Variants in CCSER1 observed in about 807,000 individuals in gnomAD.
CCSER1 encodes serine-rich coiled-coil domain-containing protein 1.
In CCSER1, 41 loss-of-function variants were observed where a neutral mutation model predicts 82.0. The ratio of observed to expected loss-of-function variants is 0.50; its 90% CI spans 0.39 to 0.65. The LOEUF (loss-of-function observed/expected upper bound fraction) is 0.65. CCSER1 is among the 30% of genes least tolerant of loss of function. The pLI is 0.00. For missense variants in CCSER1, 1,119 were observed against 1,064.2 expected, an observed-to-expected ratio of 1.05 and a Z score of -0.72; for synonymous variants, 414 against 383.9, an observed-to-expected ratio of 1.08 and a Z score of -0.92.
intron 10 of CCSER1, among the ~76,000 whole-genome samples, chr4:91,522,004 A>T (rs1386579436): frequency 2.0e-5 from 3 of 152,104 alleles, no homozygotes; most frequent in East Asian, 3.9e-4. Context: ...TAGGGTTTTT[A>T]TGGTTTTAGG....
At chr4:90,209,045 C>T (rs1333652179) in intron 1 of CCSER1, among the ~76,000 whole-genome samples, 2 of 152,002 alleles carry the variant, frequency 1.3e-5, no homozygotes, top group Admixed American at 1.3e-4. Flanking sequence ...AAAATATTTG[C>T]CTGAGATAAT....
At chr4:90,591,691 C>T (rs1168669101) in intron 5 of CCSER1, among the ~76,000 whole-genome samples, 2 of 152,102 alleles carry the variant, frequency 1.3e-5, no homozygotes, top group East Asian at 3.9e-4. Flanking sequence ...TGGGTATACA[C>T]CCAAAGGGTT....
chr4:91,445,888 G>A (rs550283826), intron 10 of CCSER1, among the ~76,000 whole-genome samples: 5 of 152,036 alleles, frequency 3.3e-5, no homozygotes, highest in African/African-American at 1.2e-4. Context: ...TATCTGGTCT[G>A]TGTAAATTCT....
intron 7 of CCSER1, among the ~76,000 whole-genome samples, chr4:90,762,178 C>T (rs1278331348): frequency 6.6e-6 from 1 of 152,088 alleles, no homozygotes; most frequent in African/African-American, 2.4e-5. Context: ...GGGTGGTTAC[C>T]TCCATGCTGT....
At chr4:90,877,722 A>G (rs528001983) in intron 8 of CCSER1, among the ~76,000 whole-genome samples, 8 of 152,182 alleles carry the variant, frequency 5.3e-5, no homozygotes, top group Admixed American at 2.0e-4. Context: ...AAAGAAAAAA[A>G]AAAACAGAAG....
chr4:91,072,055 A>G (rs1460703976), intron 9 of CCSER1, among the ~76,000 whole-genome samples: 1 of 152,170 alleles, frequency 6.6e-6, no homozygotes, highest in Non-Finnish European at 1.5e-5. Context: ...CAGACATGCT[A>G]TAAGTAATCT....
intron 6 of CCSER1, among the ~76,000 whole-genome samples, chr4:90,687,977 T>C (rs1310908296): frequency 6.6e-6 from 1 of 152,128 alleles, no homozygotes; most frequent in Non-Finnish European, 1.5e-5. Flanking sequence ...GTGTCTTTGT[T>C]GAGCCTGAGT....
At chr4:91,383,715 C>T (rs1191037363) in intron 10 of CCSER1, among the ~76,000 whole-genome samples, 1 of 152,106 alleles carries the variant, frequency 6.6e-6, no homozygotes, top group Non-Finnish European at 1.5e-5. Context: ...CCCCATTACA[C>T]TTTATTTGTT....
intron 8 of CCSER1, among the ~76,000 whole-genome samples, chr4:90,822,692 C>T (rs1759909673): frequency 7.2e-6 from 1 of 139,708 alleles, no homozygotes. Flanking sequence ...CGTGCCATTG[C>T]ACTCCAGCCT....
At chr4:90,475,113 T>A (rs1041864249) in intron 5 of CCSER1, among the ~76,000 whole-genome samples, 3 of 152,192 alleles carry the variant, frequency 2.0e-5, no homozygotes, top group Admixed American at 6.5e-5. Flanking sequence ...TGTCATTGAT[T>A]TTCACTGAAA....
chr4:90,238,425 A>C (rs1237510746), intron 1 of CCSER1, among the ~76,000 whole-genome samples: 1 of 152,210 alleles, frequency 6.6e-6, no homozygotes, highest in South Asian at 2.1e-4. Flanking sequence ...GCATTGTACA[A>C]ATGGTATTGA....
intron 5 of CCSER1, among the ~76,000 whole-genome samples, chr4:90,551,704 CTCTATATA>C (rs1033890316): frequency 5.6e-5 from 6 of 107,538 alleles, no homozygotes; most frequent in African/African-American, 1.8e-4. Context: ...CTCTCTCTCT[CTCTATATA>C]TATATATATA....
chr4:90,320,884 C>T (rs1265549668), intron 3 of CCSER1, among the ~76,000 whole-genome samples: 1 of 152,028 alleles, frequency 6.6e-6, no homozygotes, highest in African/African-American at 2.4e-5. Flanking sequence ...TAATACTTAG[C>T]ACCTACATTG....
intron 8 of CCSER1, among the ~76,000 whole-genome samples, chr4:90,903,260 C>T (rs1196505972): frequency 1.3e-5 from 2 of 152,040 alleles, no homozygotes; most frequent in Non-Finnish European, 2.9e-5. Flanking sequence ...CCAGCCTTTC[C>T]CATGCTATTC....
chr4:91,057,456 T>C (rs896823622), intron 9 of CCSER1, among the ~76,000 whole-genome samples: 11 of 152,162 alleles, frequency 7.2e-5, no homozygotes, highest in Admixed American at 6.6e-4. Context: ...TTTTTATTGC[T>C]AGAAGCATGA....
chr4:90,128,030 C>T (rs1041485166), intron 1 of CCSER1, among the ~76,000 whole-genome samples, 199 bp downstream of exon 1: 1 of 151,868 alleles, frequency 6.6e-6, no homozygotes, highest in African/African-American at 2.4e-5. Context: ...GGGAAGGAGG[C>T]GGGCGGGCTC....
intron 9 of CCSER1, among the ~76,000 whole-genome samples, chr4:90,982,493 A>G (rs945695697): frequency 6.6e-6 from 1 of 151,786 alleles, no homozygotes; most frequent in Non-Finnish European, 1.5e-5. Context: ...TGTAATTTGC[A>G]ATTTTAACCA....
Position 91,093,857 on chromosome 4 carries a change from G to A in CCSER1, c.2217+7863G>A, listed in dbSNP as rs140414102. 2.1e-3 allele frequency among the ~76,000 whole-genome samples: 319 copies of A among 152,260 alleles called. 3 individuals are homozygous for A. The highest frequency in any genetic ancestry group is 7.4e-3 in the African/African-American group (309 of 41,540). ...GCCCCCCTTTGTAACCCCATACAACGGTTTGGCTAGCACTGCAAAGTTTGG... is the reference window on the plus strand; with the variant it reads ...GCCCCCCTTTGTAACCCCATACAACAGTTTGGCTAGCACTGCAAAGTTTGG... On this transcript the variant is annotated intron_variant, in intron 10 of 10. Transcript: ENST00000509176.
At chr4:90,461,264 A>G (rs1298647539) in intron 4 of CCSER1, among the ~76,000 whole-genome samples, 1 of 121,566 alleles carries the variant, frequency 8.2e-6, no homozygotes, top group Non-Finnish European at 1.7e-5. Context: ...ACGGGGTTTC[A>G]CCGTTTTTTA....
Sources: allele counts gnomAD v4.1 joint callset (sites outside exome capture counted in the v4.1 genomes callset), GRCh38; gene constraint gnomAD v4.1.1; transcripts MANE v1.5; gene names NCBI Gene and HGNC (gene_info 2026-07-23, HGNC 2026-07-21).